Variants in SLIT3 observed in about 807,000 individuals in gnomAD.
SLIT3 encodes slit guidance ligand 3, also known as slit homolog 3 protein.
Under a neutral mutation model 184.0 loss-of-function variants are expected in SLIT3, and 68 were observed. The observed-to-expected ratio is 0.37, with a 90% confidence interval of 0.30 to 0.45. SLIT3 has a LOEUF of 0.45. Among genes scored for constraint, SLIT3 ranks in the 20% least tolerant of loss-of-function variants. The probability of loss-of-function intolerance (pLI) is 1.00; values close to 1 mark genes in which losing one functional copy is unlikely to be tolerated. For missense variants in SLIT3, 1,707 were observed against 2,026.0 expected (o/e 0.84, Z 3.02); for synonymous variants, 831 against 828.6 (o/e 1.00, Z -0.05).
chr5:168,737,616 C>G (rs1763481149), intron 20 of SLIT3, among the ~76,000 whole-genome samples: 2 of 152,178 alleles, frequency 1.3e-5, no homozygotes, highest in Admixed American at 1.3e-4. Flanking sequence ...AGTTATAGGA[C>G]AACAAATCCA....
At chr5:168,932,245 T>C (rs77532112) in intron 4 of SLIT3, among the ~76,000 whole-genome samples, 2,626 of 120,174 alleles carry the variant, frequency 0.022, 47 homozygotes, top group Middle Eastern at 0.042. Flanking sequence ...CACAGTTTTT[T>C]TGTTGTTGTT....
At chr5:168,933,834 A>G (rs1210553842) in intron 4 of SLIT3, among the ~76,000 whole-genome samples, 1 of 152,236 alleles carries the variant, frequency 6.6e-6, no homozygotes, top group East Asian at 1.9e-4. Context: ...TCTTCAGCAC[A>G]AGAGTGATGC....
chr5:168,794,620 G>C (rs1337704082), intron 10 of SLIT3, among the ~76,000 whole-genome samples: 1 of 152,152 alleles, frequency 6.6e-6, no homozygotes, highest in African/African-American at 2.4e-5. Flanking sequence ...GGGGATGTAG[G>C]GGGTGCTCAC....
At chr5:168,746,312 G>A (rs1763801594) in intron 20 of SLIT3, among the ~76,000 whole-genome samples, 1 of 131,550 alleles carries the variant, frequency 7.6e-6, no homozygotes, top group Non-Finnish European at 1.6e-5. Context: ...GGTGGTGTGG[G>A]TGTGGTGGTA....
chr5:169,289,460 G>A (rs191878666), intron 1 of SLIT3, among the ~76,000 whole-genome samples: 118 of 152,354 alleles, frequency 7.7e-4, no homozygotes, highest in African/African-American at 2.6e-3. Context: ...GGGAGTTCAG[G>A]AGTATGTCTA....
At chr5:169,210,079 C>T (rs191962941) in intron 3 of SLIT3, among the ~76,000 whole-genome samples, 39 of 152,226 alleles carry the variant, frequency 2.6e-4, no homozygotes, top group African/African-American at 9.1e-4. Context: ...AGATAAGCCC[C>T]GTGTGAACAT....
intron 4 of SLIT3, among the ~76,000 whole-genome samples, chr5:168,940,055 G>A (rs754337431): frequency 6.6e-6 from 1 of 152,228 alleles, no homozygotes; most frequent in African/African-American, 2.4e-5. Flanking sequence ...TAATACAGTC[G>A]GGGAGGATAA....
intron 1 of SLIT3, among the ~76,000 whole-genome samples, chr5:169,290,411 T>A (rs1767313206): frequency 1.3e-5 from 2 of 150,844 alleles, no homozygotes; most frequent in Admixed American, 1.3e-4. Context: ...GGGCACACAC[T>A]AGGGCATACA....
intron 4 of SLIT3, among the ~76,000 whole-genome samples, chr5:169,079,149 A>G (rs1029479683): frequency 2.0e-5 from 3 of 152,160 alleles, no homozygotes; most frequent in African/African-American, 4.8e-5. Flanking sequence ...TCTCAAGGCA[A>G]TGAATCACTG....
intron 4 of SLIT3, among the ~76,000 whole-genome samples, chr5:169,172,959 A>G (rs1429289604): frequency 6.6e-6 from 1 of 152,154 alleles, no homozygotes; most frequent in Non-Finnish European, 1.5e-5. Flanking sequence ...GGCTTCCTAG[A>G]GGTGGAGAGA....
chr5:168,811,090 G>C lies in SLIT3; in HGVS notation c.794-4503C>G, dbSNP rs548656075. 1.9e-4 allele frequency among the ~76,000 whole-genome samples: 29 copies of C among 152,272 alleles called. No homozygotes were observed. The South Asian group carries it at 6.0e-3, about 32-fold the overall frequency. On this transcript the variant is annotated intron_variant, in intron 8 of 35. Coordinates refer to ENST00000519560, the MANE Select transcript of SLIT3 (RefSeq NM_003062.4). Reference sequence around the variant, plus strand: ...CGAAAGGTCCTAACTTGCCTGCTGAGATGAGTGGGAAAAAGACCACCAAAT... The same window carrying C: ...CGAAAGGTCCTAACTTGCCTGCTGACATGAGTGGGAAAAAGACCACCAAAT...
chr5:168,881,483 G>T (rs1422185614), intron 5 of SLIT3, among the ~76,000 whole-genome samples: 2 of 152,174 alleles, frequency 1.3e-5, no homozygotes, highest in African/African-American at 2.4e-5. Flanking sequence ...TAAAATTAGT[G>T]TCATGAGATC....
At chr5:169,019,409 T>C (rs1173194628) in intron 4 of SLIT3, among the ~76,000 whole-genome samples, 1 of 152,258 alleles carries the variant, frequency 6.6e-6, no homozygotes, top group Non-Finnish European at 1.5e-5. Context: ...AGTTAATTCA[T>C]TAAAAGAATA....
At chr5:168,733,409 A>G (rs1763344354) in intron 20 of SLIT3, among the ~76,000 whole-genome samples, 1 of 152,180 alleles carries the variant, frequency 6.6e-6, no homozygotes, top group Non-Finnish European at 1.5e-5. Context: ...AAATAGAACT[A>G]CCATTTGATC....
intron 20 of SLIT3, among the ~76,000 whole-genome samples, chr5:168,739,542 C>T (rs1763551958): frequency 6.6e-6 from 1 of 151,770 alleles, no homozygotes; most frequent in African/African-American, 2.4e-5. Context: ...CCTGCCTCAC[C>T]CTCCCAGCTT....
chr5:169,189,504 A>G (rs959086510), intron 4 of SLIT3, among the ~76,000 whole-genome samples: 2 of 138,046 alleles, frequency 1.4e-5, no homozygotes, highest in East Asian at 4.0e-4. Context: ...TGCCCAGTAC[A>G]GTACTGCTTC....
chr5:168,755,721 C>T (rs989650084), intron 16 of SLIT3, among the ~76,000 whole-genome samples: 4 of 152,172 alleles, frequency 2.6e-5, no homozygotes, highest in Admixed American at 6.5e-5. Flanking sequence ...CAGGCATGAG[C>T]CGCCATGCCT....
At chr5:168,762,763 G>A in intron 14 of SLIT3, 74 bp from the exon 15 acceptor site, 3 of 1,493,990 alleles carry the variant, frequency 2.0e-6, no homozygotes, top group Admixed American at 1.7e-5. Context: ...GGTAGTGGGG[G>A]TGGGAGACAG....
chr5:168,945,113 G>A (rs576572777), intron 4 of SLIT3, among the ~76,000 whole-genome samples: 24 of 152,314 alleles, frequency 1.6e-4, no homozygotes, highest in African/African-American at 5.8e-4. Context: ...ATGGGACCCT[G>A]CTAGCTCATG....
Sources: gnomAD v4.1 joint callset for allele counts (sites outside exome capture counted in the v4.1 genomes callset) on GRCh38, gnomAD v4.1.1 for gene constraint, MANE v1.5 for transcripts, NCBI Gene and HGNC (gene_info 2026-07-23, HGNC 2026-07-21) for gene names.